FOXP2: variants seen among roughly 807,000 people sequenced by gnomAD.
FOXP2 encodes forkhead box protein P2.
Under a neutral mutation model 115.8 loss-of-function variants are expected in FOXP2, and 12 were observed. The ratio of observed to expected loss-of-function variants is 0.10; its 90% confidence interval spans 0.07 to 0.17. The LOEUF (loss-of-function observed/expected upper bound fraction) is 0.17, where lower values mean the gene tolerates loss of function less well. Among genes scored for constraint, FOXP2 ranks in the 10% least tolerant of loss-of-function variants. The probability of loss-of-function intolerance (pLI) is 1.00; values close to 1 mark genes in which losing one functional copy is unlikely to be tolerated. For missense variants in FOXP2, 629 were observed against 843.5 expected (o/e 0.75, Z 3.15); for synonymous variants, 328 against 297.7 (o/e 1.10, Z -1.05).
At chr7:114,225,461 T>C (rs1562824636) in intron 1 of FOXP2, among the ~76,000 whole-genome samples, 4 of 152,124 alleles carry the variant, frequency 2.6e-5, no homozygotes, top group Non-Finnish European at 1.5e-5. Context: ...TTTTTCTTTT[T>C]AGAGGCAGGG....
chr7:114,127,577 A>G (rs1407054546), intron 1 of FOXP2, among the ~76,000 whole-genome samples: 2 of 152,202 alleles, frequency 1.3e-5, no homozygotes, highest in African/African-American at 4.8e-5. Flanking sequence ...TTTATAATCT[A>G]TACAGAATGT....
intron 1 of FOXP2, among the ~76,000 whole-genome samples, chr7:114,196,872 C>G (rs1053031087): frequency 2.6e-5 from 4 of 152,094 alleles, no homozygotes; most frequent in African/African-American, 9.7e-5. Context: ...TATGCATCAT[C>G]TTGAGTGGGT....
intron 3 of FOXP2, among the ~76,000 whole-genome samples, chr7:114,609,813 T>C (rs1442242620): frequency 1.3e-5 from 2 of 152,248 alleles, no homozygotes; most frequent in African/African-American, 2.4e-5. Flanking sequence ...GGTGGCAGTG[T>C]CAACATTCCC....
intron 1 of FOXP2, among the ~76,000 whole-genome samples, chr7:114,172,875 T>C (rs907218978): frequency 1.3e-5 from 2 of 152,042 alleles, no homozygotes; most frequent in Non-Finnish European, 2.9e-5. Flanking sequence ...AACATAGAAT[T>C]TAAAAAACAA....
chr7:114,538,383 G>T, intron 3 of FOXP2: 1 of 1,301,214 alleles, frequency 7.7e-7, no homozygotes, highest in Non-Finnish European at 1.0e-6. Context: ...GTAAATTTAA[G>T]GTAAATGCCA....
intron 6 of FOXP2, among the ~76,000 whole-genome samples, chr7:114,633,072 A>G (rs2129328903): frequency 6.6e-6 from 1 of 152,236 alleles, no homozygotes; most frequent in East Asian, 1.9e-4. Flanking sequence ...TCAAGTTCAA[A>G]TGAAATCTGT....
At chr7:114,393,289 C>G (rs753410389) in intron 2 of FOXP2, among the ~76,000 whole-genome samples, 1 of 151,976 alleles carries the variant, frequency 6.6e-6, no homozygotes, top group Non-Finnish European at 1.5e-5. Flanking sequence ...TTTCCTTCTT[C>G]TTTTTTTCCC....
intron 2 of FOXP2, among the ~76,000 whole-genome samples, chr7:114,357,142 C>A (rs1223963808): frequency 1.3e-5 from 2 of 152,050 alleles, no homozygotes; most frequent in Admixed American, 6.6e-5. Flanking sequence ...ATTTGAAAAC[C>A]CTGATAAAGG....
At chr7:114,382,270 G>A (rs1425005040) in intron 2 of FOXP2, among the ~76,000 whole-genome samples, 1 of 152,174 alleles carries the variant, frequency 6.6e-6, no homozygotes, top group African/African-American at 2.4e-5. Context: ...ACCCTCAATG[G>A]TCAAGCATAC....
intron 2 of FOXP2, among the ~76,000 whole-genome samples, chr7:114,472,096 T>G (rs2129231050): frequency 6.6e-6 from 1 of 152,100 alleles, no homozygotes; most frequent in South Asian, 2.1e-4. Context: ...CACTCAAGGG[T>G]TTGGGATATG....
chr7:114,162,876 C>G (rs968087509), upstream of FOXP2: 1 of 151,736 alleles, frequency 6.6e-6, no homozygotes, highest in African/African-American at 2.4e-5. Context: ...TTCAACCCCC[C>G]AGTACAGTAA....
chr7:114,107,065 T>C (rs1159795354), intron 1 of FOXP2, among the ~76,000 whole-genome samples: 1 of 151,996 alleles, frequency 6.6e-6, no homozygotes, highest in African/African-American at 2.4e-5. Flanking sequence ...GATAAATGAT[T>C]TCTATGTCAT....
intron 2 of FOXP2, among the ~76,000 whole-genome samples, chr7:114,501,867 A>G (rs1381441688): frequency 2.0e-5 from 3 of 152,046 alleles, no homozygotes; most frequent in Non-Finnish European, 4.4e-5. Context: ...TTTATAATAC[A>G]CATTTATATA....
chr7:114,110,697 T>C (rs1344204622), intron 1 of FOXP2, among the ~76,000 whole-genome samples: 1 of 152,156 alleles, frequency 6.6e-6, no homozygotes, highest in African/African-American at 2.4e-5. Flanking sequence ...TGATTAGAGG[T>C]GCAAAGTACT....
At chr7:114,605,788 G>A (rs1018634729) in intron 3 of FOXP2, among the ~76,000 whole-genome samples, 10 of 152,194 alleles carry the variant, frequency 6.6e-5, no homozygotes, top group African/African-American at 2.4e-4. Context: ...AGGAGTTAGT[G>A]TTAGGTGGTG....
chr7:114,615,490 A>G (rs926833604), intron 3 of FOXP2, among the ~76,000 whole-genome samples: 1 of 152,184 alleles, frequency 6.6e-6, no homozygotes, highest in Admixed American at 6.5e-5. Context: ...GCTTAGACTC[A>G]TGGTTTTCTT....
chr7:114,294,859 AATAAATACATAC>A (rs1275066779), intron 2 of FOXP2, among the ~76,000 whole-genome samples: 4 of 150,168 alleles, frequency 2.7e-5, no homozygotes, highest in Admixed American at 6.6e-5. Flanking sequence ...TAAATAAATA[AATAAATACATAC>A]ATACATACAT....
chr7:114,383,291 C>T (rs914124155), intron 2 of FOXP2, among the ~76,000 whole-genome samples: 1 of 152,186 alleles, frequency 6.6e-6, no homozygotes, highest in Non-Finnish European at 1.5e-5. Context: ...AAGGTACATG[C>T]ACTCTGGCTG....
At chr7:114,452,551 T>C (rs571196698) in intron 2 of FOXP2, among the ~76,000 whole-genome samples, 1 of 152,222 alleles carries the variant, frequency 6.6e-6, no homozygotes, top group African/African-American at 2.4e-5. Context: ...GACTTCCATA[T>C]AAAAGCTAAG....
Sources: allele counts gnomAD v4.1 joint callset (sites outside exome capture counted in the v4.1 genomes callset), GRCh38; gene constraint gnomAD v4.1.1; transcripts MANE v1.5; gene names NCBI Gene and HGNC (gene_info 2026-07-23, HGNC 2026-07-21).